The following GRIN2A variants were observed in gnomAD, a reference collection of about 807,000 sequenced individuals.
The protein encoded by GRIN2A is glutamate receptor ionotropic, NMDA 2A.
GRIN2A carries 22 observed loss-of-function variants against 113.4 expected under a neutral mutation model. That is an observed-to-expected ratio of 0.19 (90% confidence interval 0.14 to 0.28). GRIN2A has a LOEUF of 0.28. Ranked by LOEUF, GRIN2A falls within the 10% of genes least tolerant of loss-of-function variation. The pLI is 1.00. For synonymous variants in GRIN2A, 827 were observed against 738.4 expected (o/e 1.12, Z -1.94); for missense variants, 1,502 against 1,887.0 (o/e 0.80, Z 3.78).
chr16:9,848,540 T>C (rs1383199700), intron 5 of GRIN2A, among the ~76,000 whole-genome samples: 1 of 150,730 alleles, frequency 6.6e-6, no homozygotes, highest in Non-Finnish European at 1.5e-5. Context: ...TATATAAAAA[T>C]ACGATGTTTT....
chr16:10,174,576 G>A (rs2050106967), intron 2 of GRIN2A, among the ~76,000 whole-genome samples: 2 of 152,060 alleles, frequency 1.3e-5, no homozygotes, highest in African/African-American at 2.4e-5. Flanking sequence ...GACAGGGGAG[G>A]GAGTTACATG....
chr16:10,072,143 C>G (rs1034679231), intron 2 of GRIN2A, among the ~76,000 whole-genome samples: 1 of 152,168 alleles, frequency 6.6e-6, no homozygotes, highest in Non-Finnish European at 1.5e-5. Context: ...AATCTTTCAC[C>G]ATCGTGAGAG....
intron 2 of GRIN2A, among the ~76,000 whole-genome samples, chr16:10,164,931 G>A (rs1424686786): frequency 6.6e-6 from 1 of 152,212 alleles, no homozygotes; most frequent in Non-Finnish European, 1.5e-5. Flanking sequence ...GCCAGCCAGA[G>A]TTAAGTGACA....
At chr16:10,048,861 C>T (rs2047305743) in intron 2 of GRIN2A, among the ~76,000 whole-genome samples, 2 of 152,138 alleles carry the variant, frequency 1.3e-5, no homozygotes, top group African/African-American at 2.4e-5. Flanking sequence ...TGCTATTCTA[C>T]ATGGCAGCTG....
At chr16:9,991,937 A>C (rs1239807777) in intron 2 of GRIN2A, among the ~76,000 whole-genome samples, 1 of 152,124 alleles carries the variant, frequency 6.6e-6, no homozygotes, top group East Asian at 1.9e-4. Context: ...CATTAGGACA[A>C]ATGCCTAATG....
chr16:10,137,374 C>T (rs757252906), intron 2 of GRIN2A, among the ~76,000 whole-genome samples: 1 of 152,144 alleles, frequency 6.6e-6, no homozygotes, highest in Non-Finnish European at 1.5e-5. Flanking sequence ...ACATTCTTGC[C>T]CCCTACACAT....
chr16:9,792,367 C>T (rs1247596407), intron 11 of GRIN2A, among the ~76,000 whole-genome samples: 4 of 152,106 alleles, frequency 2.6e-5, no homozygotes, highest in African/African-American at 9.7e-5. Context: ...GGCCTACAAG[C>T]ATGTACCACC....
chr16:9,868,210 T>C (rs2043194857), intron 4 of GRIN2A, among the ~76,000 whole-genome samples: 1 of 152,174 alleles, frequency 6.6e-6, no homozygotes, highest in African/African-American at 2.4e-5. Context: ...GCTGGCCTTC[T>C]TGCTTCTGGT....
Position 10,088,742 on chromosome 16 carries a change from C to T in GRIN2A, c.414+91256G>A, listed in dbSNP as rs577250402. Among the ~76,000 whole-genome samples, 8 of 152,310 alleles carry T rather than the reference C, an allele frequency of 5.3e-5. No individual in the cohort carries two copies. The South Asian group carries it at 1.7e-3, about 32-fold the overall frequency. ...AGACTATCCCAACCCCCACCTTTTC[C>T]TCTCTCCAGAGTCAGCAGCACTGGA... On this transcript the variant is annotated intron_variant, in intron 2 of 12. Transcript: ENST00000330684.
At chr16:9,792,673 A>G (rs1053029684) in intron 11 of GRIN2A, among the ~76,000 whole-genome samples, 5 of 152,198 alleles carry the variant, frequency 3.3e-5, no homozygotes, top group Admixed American at 1.3e-4. Context: ...ATTTAATTTT[A>G]TGTGTTAAAT....
At chr16:9,945,614 C>A (rs1450045934) in intron 2 of GRIN2A, among the ~76,000 whole-genome samples, 1 of 152,114 alleles carries the variant, frequency 6.6e-6, no homozygotes, top group Non-Finnish European at 1.5e-5. Context: ...CTGGGAGAAA[C>A]CTGGAATTTG....
chr16:10,179,935 C>T, intron 2 of GRIN2A, 63 bp downstream of exon 2: 1 of 1,391,896 alleles, frequency 7.2e-7, no homozygotes, highest in Non-Finnish European at 1.0e-6. Context: ...CGAAGACCTG[C>T]AGCAGCTGCC....
At chr16:10,166,610 TTA>T (rs1424361604) in intron 2 of GRIN2A, among the ~76,000 whole-genome samples, 4 of 152,194 alleles carry the variant, frequency 2.6e-5, no homozygotes, top group African/African-American at 9.7e-5. Context: ...TGCACTTGCA[TTA>T]TGAGTCTCTC....
chr16:10,064,516 T>G (rs1406249983), intron 2 of GRIN2A, among the ~76,000 whole-genome samples: 2 of 152,208 alleles, frequency 1.3e-5, no homozygotes, highest in Non-Finnish European at 2.9e-5. Context: ...CCTATGCTTG[T>G]TTCTACTGTT....
intron 2 of GRIN2A, among the ~76,000 whole-genome samples, chr16:9,996,607 C>A (rs566112047): frequency 6.6e-6 from 1 of 152,314 alleles, no homozygotes; most frequent in South Asian, 2.1e-4. Context: ...CTTCATTTGT[C>A]TACACATAAT....
chr16:10,065,929 C>T (rs536984723), intron 2 of GRIN2A, among the ~76,000 whole-genome samples: 17 of 152,152 alleles, frequency 1.1e-4, no homozygotes, highest in South Asian at 4.2e-4. Context: ...GGGTCTCTTA[C>T]GAATAGAGAG....
chr16:9,990,563 GCACACACACACACA>G (rs71157799), intron 2 of GRIN2A, among the ~76,000 whole-genome samples: 17 of 124,480 alleles, frequency 1.4e-4, no homozygotes, highest in Admixed American at 1.0e-3. Flanking sequence ...GCGCGCGCGC[GCACACACACACACA>G]CACACACACA....
In GRIN2A at chr16:9,834,868, G is replaced by A. The variant is rs2042560841; in HGVS notation, c.1652-638C>T. On this transcript the variant is annotated intron_variant, in intron 7 of 12. Coordinates refer to ENST00000330684, the MANE Select transcript of GRIN2A (RefSeq NM_001134407.3). Reference sequence around the variant, plus strand: ...AGCAAGTTAGAATGCAAATAAACAGGCCATAGTTTCCTTTGTAATTATAGA... The same window carrying A: ...AGCAAGTTAGAATGCAAATAAACAGACCATAGTTTCCTTTGTAATTATAGA... Among the ~76,000 whole-genome samples the A allele has an allele frequency of 3.9e-5, 6 of 152,200 alleles. No homozygotes were observed. The South Asian group carries it at 1.2e-3, about 31-fold the overall frequency.
At chr16:9,804,268 C>T (rs1413858869) in intron 10 of GRIN2A, among the ~76,000 whole-genome samples, 1 of 152,098 alleles carries the variant, frequency 6.6e-6, no homozygotes, top group Non-Finnish European at 1.5e-5. Context: ...AGGGGTTGAG[C>T]TGCGACTGCT....
Sources: gnomAD v4.1 joint callset for allele counts (sites outside exome capture counted in the v4.1 genomes callset) on GRCh38, gnomAD v4.1.1 for gene constraint, MANE v1.5 for transcripts, NCBI Gene and HGNC (gene_info 2026-07-23, HGNC 2026-07-21) for gene names.